Variants in KIFAP3 observed in about 807,000 individuals in gnomAD.
KIFAP3 encodes kinesin associated protein 3.
Under a neutral mutation model 106.5 loss-of-function variants are expected in KIFAP3, and 68 were observed. The observed-to-expected ratio is 0.64, with a 90% CI of 0.53 to 0.78. KIFAP3 has a LOEUF of 0.78. Among genes scored for constraint, KIFAP3 ranks in the 30% least tolerant of loss-of-function variants. KIFAP3 has a pLI of 0.00. For missense variants in KIFAP3, 780 were observed against 941.8 expected (o/e 0.83, Z 2.25); for synonymous variants, 320 against 311.5 (o/e 1.03, Z -0.29).
intron 17 of KIFAP3, among the ~76,000 whole-genome samples, chr1:169,970,399 A>C (rs1041428307): frequency 6.6e-6 from 1 of 152,084 alleles, no homozygotes; most frequent in Admixed American, 6.6e-5. Context: ...GCCCAACTAC[A>C]TTAAACAAAT....
At chr1:169,933,055 T>C (rs1200342019) in intron 19 of KIFAP3, among the ~76,000 whole-genome samples, 1 of 151,986 alleles carries the variant, frequency 6.6e-6, no homozygotes, top group East Asian at 1.9e-4. Context: ...ATATAGATAA[T>C]AGAAATTATA....
chr1:170,021,554 C>T (rs1410368962), intron 9 of KIFAP3, among the ~76,000 whole-genome samples: 1 of 151,228 alleles, frequency 6.6e-6, no homozygotes, highest in Non-Finnish European at 1.5e-5. Context: ...ATTCTCCTGC[C>T]TCAGCCTCCT....
rs769457024 is a variant in KIFAP3 at position 170,039,298 on chromosome 1, G to T, written c.320-10C>A. 5.2e-6 allele frequency: 8 copies of T among 1,551,898 alleles called. No individual in the cohort carries two copies. The highest frequency in any genetic ancestry group is 2.3e-5 in the South Asian group (2 of 86,568). On this transcript the variant is annotated splice_polypyrimidine_tract_variant and intron_variant, in intron 3 of 19. Transcript: ENST00000361580. ...GATTTTTCTTTTTTCTCTGTAAAAA[G>T]ATTTTTTTTTAATAAGGAGACTTAG...
Position 170,035,472 on chromosome 1 carries a change from A to T in KIFAP3, c.599T>A (p.Ile200Asn). ...TACTTACCTGGAGAAACAAAAAAAGATGTAAATTATGTTTGTAGCTAACTC... is the reference window on the plus strand; with the variant it reads ...TACTTACCTGGAGAAACAAAAAAAGTTGTAAATTATGTTTGTAGCTAACTC... ...SVELATNIIYIFFCFSSFSQF... is the reference protein window; with the variant it reads ...SVELATNIIYNFFCFSSFSQF... Residue 200 changes from isoleucine (I) to asparagine (N), a missense_variant, in exon 6 of 20, where the codon ATC becomes AAC. Around this residue, in one of 3 missense-constraint regions of KIFAP3, gnomAD observed 588 missense variants for 678.9 expected, o/e 0.87. Transcript: ENST00000361580. 1 of 1,606,294 alleles carries T rather than the reference A, an allele frequency of 6.2e-7. No individual in the cohort carries two copies. Among genetic ancestry groups the T allele is most frequent in the Non-Finnish European group, 8.5e-7 (1 of 1,175,690 alleles).
chr1:170,050,716 A>G (rs1360752122), intron 2 of KIFAP3, among the ~76,000 whole-genome samples: 2 of 152,224 alleles, frequency 1.3e-5, no homozygotes, highest in Non-Finnish European at 2.9e-5. Flanking sequence ...ATAATTTTCA[A>G]CACAGAATTT....
At chr1:169,938,070 T>G (rs567252317) in intron 19 of KIFAP3, among the ~76,000 whole-genome samples, 1 of 152,094 alleles carries the variant, frequency 6.6e-6, no homozygotes, top group African/African-American at 2.4e-5. Context: ...TAGATTAAAG[T>G]AGATGGACTA....
chr1:170,011,708 T>C (rs1431637113), intron 10 of KIFAP3, among the ~76,000 whole-genome samples: 2 of 152,042 alleles, frequency 1.3e-5, no homozygotes, highest in African/African-American at 4.8e-5. Flanking sequence ...ATTTTTCTTG[T>C]CCTTTTCAAA....
In KIFAP3 at chr1:170,067,051, T is replaced by C. The variant is rs114605452; in HGVS notation, c.32+7385A>G. 7.2e-3 allele frequency among the ~76,000 whole-genome samples: 1,090 copies of C among 151,852 alleles called. 18 individuals are homozygous for C. Among genetic ancestry groups the C allele is most frequent in the African/African-American group, 0.024 (999 of 41,414 alleles). The stretch of plus-strand genomic sequence containing the variant: ...AGAATTAAAAATACAATAACCAAAA[T>C]TAAGAATAATAATAAATAAATAGGT... On this transcript the variant is annotated intron_variant, in intron 1 of 19. Transcript: ENST00000361580.
chr1:170,028,390 T>C (rs1382671699), intron 8 of KIFAP3, among the ~76,000 whole-genome samples: 12 of 152,182 alleles, frequency 7.9e-5, no homozygotes, highest in Admixed American at 7.9e-4. Flanking sequence ...CTGACTGGAG[T>C]GCAATGGTGC....
intron 19 of KIFAP3, among the ~76,000 whole-genome samples, chr1:169,931,408 G>A (rs1176295343): frequency 6.6e-6 from 1 of 152,128 alleles, no homozygotes; most frequent in Admixed American, 6.5e-5. Context: ...CCTAATGGAA[G>A]TTGTCAGATG....
upstream of KIFAP3, among the ~76,000 whole-genome samples, chr1:170,076,549 GA>G (rs2102189990): frequency 6.6e-6 from 1 of 152,102 alleles, no homozygotes; most frequent in East Asian, 1.9e-4. Flanking sequence ...GAAAAACAGG[GA>G]AAAAAGAACC....
At chr1:170,083,602 G>A (rs12119027) in intron 1 of KIFAP3, among the ~76,000 whole-genome samples, 11,769 of 152,238 alleles carry the variant, frequency 0.077, 472 homozygotes, top group Non-Finnish European at 0.094. Context: ...ACATAAATTT[G>A]TACCAGTGTA....
intron 1 of KIFAP3, among the ~76,000 whole-genome samples, chr1:170,070,919 A>T (rs553774078): frequency 8.5e-5 from 13 of 152,250 alleles, no homozygotes; most frequent in Non-Finnish European, 1.9e-4. Flanking sequence ...CATGTATCTG[A>T]CAAGGTTCTA....
chr1:170,066,381 C>T (rs2102162310), intron 1 of KIFAP3, among the ~76,000 whole-genome samples: 1 of 152,150 alleles, frequency 6.6e-6, no homozygotes, highest in East Asian at 1.9e-4. Context: ...TTTTATATTT[C>T]TATTACTAAC....
At chr1:169,943,679 A>T (rs1272863651) in intron 19 of KIFAP3, among the ~76,000 whole-genome samples, 1 of 152,190 alleles carries the variant, frequency 6.6e-6, no homozygotes, top group Non-Finnish European at 1.5e-5. Flanking sequence ...CAAATATGTC[A>T]TAAGAACCGT....
intron 1 of KIFAP3, among the ~76,000 whole-genome samples, chr1:170,061,587 T>C (rs1671159141): frequency 6.6e-6 from 1 of 152,152 alleles, no homozygotes; most frequent in South Asian, 2.1e-4. Flanking sequence ...AGTTCAACCA[T>C]TGTGGAAGAC....
At chr1:170,019,751 T>C (rs140296734) in intron 9 of KIFAP3, among the ~76,000 whole-genome samples, 1 of 152,182 alleles carries the variant, frequency 6.6e-6, no homozygotes, top group Admixed American at 6.6e-5. Context: ...TGAAAGACAT[T>C]GTTTTCCTCA....
chr1:170,005,833 T>G (rs1455078803), intron 10 of KIFAP3, among the ~76,000 whole-genome samples: 1 of 151,338 alleles, frequency 6.6e-6, no homozygotes, highest in East Asian at 2.0e-4. Flanking sequence ...GTTGTGCACA[T>G]GTACCCTAAA....
chr1:169,993,078 G>C (rs536546598), intron 10 of KIFAP3, among the ~76,000 whole-genome samples: 1 of 149,676 alleles, frequency 6.7e-6, no homozygotes, highest in East Asian at 1.9e-4. Context: ...TTCTTTAGAG[G>C]AAATAAACTG....
Sources: allele counts gnomAD v4.1 joint callset (sites outside exome capture counted in the v4.1 genomes callset), GRCh38; gene constraint gnomAD v4.1.1; regional missense constraint gnomAD v4.1.1; transcripts MANE v1.5; gene names NCBI Gene and HGNC (gene_info 2026-07-23, HGNC 2026-07-21).